TNRC18: variants seen among roughly 807,000 people sequenced by gnomAD.
TNRC18 encodes the protein trinucleotide repeat-containing gene 18 protein.
In TNRC18, 69 loss-of-function variants were observed where a neutral mutation model predicts 226.7. The ratio of observed to expected loss-of-function variants is 0.30; its 90% confidence interval spans 0.25 to 0.37. The LOEUF (loss-of-function observed/expected upper bound fraction) is 0.37, where lower values mean the gene tolerates loss of function less well. TNRC18 is among the 10% of genes least tolerant of loss of function. The probability of loss-of-function intolerance (pLI) is 1.00; values close to 1 mark genes in which losing one functional copy is unlikely to be tolerated. For missense variants in TNRC18, 4,754 were observed against 4,256.6 expected (o/e 1.12, Z -3.25); for synonymous variants, 2,449 against 1,927.6 (o/e 1.27, Z -7.09).
intron 2 of TNRC18, among the ~76,000 whole-genome samples, chr7:5,400,148 C>T (rs1179062638): frequency 2.6e-5 from 4 of 152,060 alleles, no homozygotes; most frequent in Non-Finnish European, 5.9e-5. Context: ...CCTCCCACCT[C>T]GGCCTCCCAA....
chr7:5,314,885 A>G, intron 26 of TNRC18, 99 bp downstream of exon 26: 2 of 1,332,562 alleles, frequency 1.5e-6, no homozygotes, highest in Non-Finnish European at 2.0e-6. Flanking sequence ...GAGTTCTTAC[A>G]GACAGCAGGC....
intron 19 of TNRC18, 89 bp from the exon 20 acceptor site, chr7:5,325,337 T>G: frequency 6.9e-7 from 1 of 1,450,042 alleles, no homozygotes. Context: ...CACCCCCAAG[T>G]TCTGTGCCAC....
intron 3 of TNRC18, 94 bp from the exon 4 acceptor site, chr7:5,390,722 C>T (rs1231290753): frequency 3.1e-5 from 43 of 1,395,818 alleles, no homozygotes; most frequent in Middle Eastern, 2.6e-4. Context: ...TTTTGGCAGC[C>T]GACCGCTGGT....
rs150659235 is a variant in TNRC18 at position 5,377,051 on chromosome 7, C to T, written c.2462-58G>A. ...TGGGAGCCCCCAAGCGGTTTGTCCT[C>T]GGGCAGCCCCAGCCCAGCACCACCT... On this transcript the variant is annotated intron_variant, in intron 7 of 29. Transcript: ENST00000430969. The surrounding 1 kb of genome is among the most constrained non-coding windows in gnomAD (Gnocchi z 5.8). 4.6e-5 allele frequency: 70 copies of T among 1,533,688 alleles called. No homozygotes were observed. In the East Asian group the frequency reaches 1.5e-3, roughly 32 times the overall value.
At chr7:5,358,357 G>C (rs1245444987) in intron 15 of TNRC18, among the ~76,000 whole-genome samples, 1 of 152,204 alleles carries the variant, frequency 6.6e-6, no homozygotes, top group Non-Finnish European at 1.5e-5. Flanking sequence ...TTAATCAGGT[G>C]ACATTTCTTA....
chr7:5,332,422 A>C (rs1395386786), intron 19 of TNRC18, among the ~76,000 whole-genome samples, 200 bp downstream of exon 19: 2 of 152,204 alleles, frequency 1.3e-5, no homozygotes, highest in Non-Finnish European at 2.9e-5. Flanking sequence ...ACAGAGCAAG[A>C]GTTGACTCTT....
intron 5 of TNRC18, among the ~76,000 whole-genome samples, chr7:5,379,204 A>AC (rs1779222797): frequency 6.6e-6 from 1 of 151,716 alleles, no homozygotes; most frequent in Non-Finnish European, 1.5e-5. Flanking sequence ...CCGTCAAAAA[A>AC]AAAAACAAAA....
In TNRC18 at chr7:5,306,877, T is replaced by TAACATA. The variant is rs1554265236; in HGVS notation, c.*1228_*1229insTATGTT. Reference sequence around the variant, plus strand: ...AACAAACAAAATTCCAAAAGAAACATAAAAAAAAAAACCAATAATTCCCCC... The same window carrying TAACATA: ...AACAAACAAAATTCCAAAAGAAACATAACATAAAAAAAAAAAACCAATAATTCCCCC... On this transcript the variant is annotated 3_prime_UTR_variant, in exon 30 of 30. Coordinates refer to ENST00000430969, the MANE Select transcript of TNRC18 (RefSeq NM_001080495.3). 1.4e-5 allele frequency: 2 copies of TAACATA among 146,974 alleles called. No homozygotes were observed. The highest frequency in any genetic ancestry group is 3.0e-5 in the Non-Finnish European group (2 of 66,700). 9.1% of individuals were successfully genotyped at this position (146,974 alleles called of 1,614,324 possible). A position where few individuals can be genotyped will look rare whatever the true frequency, so the allele number is the denominator to read the frequency against.
chr7:5,324,056 C>T lies in TNRC18; in HGVS notation c.6442+158G>A, dbSNP rs1761261596. Among the ~76,000 whole-genome samples the T allele has an allele frequency of 6.6e-6, 1 of 152,214 alleles. No homozygotes were observed. The highest frequency in any genetic ancestry group is 6.5e-5 in the Admixed American group (1 of 15,280). On this transcript the variant is annotated intron_variant, in intron 21 of 29. Transcript: ENST00000430969. The surrounding 1 kb of genome is among the most constrained non-coding windows in gnomAD (Gnocchi z 4.8). ...ACTAAGCTGCAGCCAGTCCAGCCTT[C>T]TCATCGACCCGGATAACTCAGCCTC...
At chr7:5,310,928 G>A (rs779198657) in intron 27 of TNRC18, among the ~76,000 whole-genome samples, 15 of 149,370 alleles carry the variant, frequency 1.0e-4, no homozygotes, top group Admixed American at 3.3e-4. Flanking sequence ...GTGTGTGCAC[G>A]TGTTCGTGTG....
intron 11 of TNRC18, among the ~76,000 whole-genome samples, chr7:5,369,723 A>G (rs568560969): frequency 8.5e-5 from 13 of 152,320 alleles, no homozygotes; most frequent in Admixed American, 4.6e-4. Context: ...CTTCAGTTCC[A>G]AGAGCCAATT....
At chr7:5,408,531 G>C (rs531323301) in intron 2 of TNRC18, among the ~76,000 whole-genome samples, 2 of 151,440 alleles carry the variant, frequency 1.3e-5, no homozygotes, top group Admixed American at 6.6e-5. Flanking sequence ...GCAGCTACTC[G>C]GGAGGCTGAG....
At chr7:5,419,462 C>A (rs1331031661) in intron 2 of TNRC18, among the ~76,000 whole-genome samples, 1 of 152,168 alleles carries the variant, frequency 6.6e-6, no homozygotes, top group African/African-American at 2.4e-5. Flanking sequence ...AAGACACACG[C>A]ATGCACACAC....
chr7:5,412,166 G>A (rs554892599), intron 2 of TNRC18, among the ~76,000 whole-genome samples: 3 of 142,774 alleles, frequency 2.1e-5, no homozygotes, highest in South Asian at 2.4e-4. Flanking sequence ...TCCAGCCTGC[G>A]TAACAGAGCG....
In TNRC18 at chr7:5,378,036, C is replaced by T; in HGVS notation, c.2153-12G>A. 1 of 1,604,150 alleles carries T rather than the reference C, an allele frequency of 6.2e-7. No homozygotes were observed. ...TGCTCGGCCGTGCCCTGCAGGGGGCCAGGTGGAAGTGAGCCCCCAGCCAGC... is the reference window on the plus strand; with the variant it reads ...TGCTCGGCCGTGCCCTGCAGGGGGCTAGGTGGAAGTGAGCCCCCAGCCAGC... On this transcript the variant is annotated splice_polypyrimidine_tract_variant and intron_variant, in intron 5 of 29. Transcript: ENST00000430969.
chr7:5,401,665 A>G (rs1781099916), intron 2 of TNRC18, among the ~76,000 whole-genome samples: 1 of 152,254 alleles, frequency 6.6e-6, no homozygotes, highest in African/African-American at 2.4e-5. Context: ...CTGTACCAAT[A>G]AAACTTTATT....
chr7:5,306,883 A>AG lies in TNRC18; in HGVS notation c.*1222_*1223insC, dbSNP rs1786566417. 1 of 151,062 alleles carries AG rather than the reference A, an allele frequency of 6.6e-6. No homozygotes were observed. Among genetic ancestry groups the AG allele is most frequent in the Non-Finnish European group, 1.5e-5 (1 of 67,814 alleles). 9.4% of individuals were successfully genotyped at this position (151,062 alleles called of 1,614,324 possible). A position where few individuals can be genotyped will look rare whatever the true frequency, so the allele number is the denominator to read the frequency against. On this transcript the variant is annotated 3_prime_UTR_variant, in exon 30 of 30. Transcript: ENST00000430969. ...CAAAATTCCAAAAGAAACATAAAAA[A>AG]AAAAACCAATAATTCCCCCAAAAAA...
At position 5,356,993 on chromosome 7, in the gene TNRC18, T is replaced by G. The variant is rs1391718794; in HGVS notation, c.5117A>C (p.Glu1706Ala). 1.3e-6 allele frequency: 2 copies of G among 1,552,286 alleles called. No individual in the cohort carries two copies. The highest frequency in any genetic ancestry group is 4.9e-5 in the East Asian group (2 of 40,922). ...CTGGCCTCTGGCCTTGAACCCCACC[T>G]CCATCTTCCTGGTTTTGGCTGCCCT... is the stretch of plus-strand genomic sequence containing the variant. The part of the protein sequence containing the change: ...HKRAAKTRKM[E>A]VGFKARGQPK... The change falls in exon 16 of 30, where the codon GAG becomes GCG. Residue 1706 changes from glutamate to alanine, a missense_variant. Glu to Ala is a moderately radical substitution (Grantham distance 107). Coordinates refer to ENST00000430969, the MANE Select transcript of TNRC18 (RefSeq NM_001080495.3).
intron 5 of TNRC18, among the ~76,000 whole-genome samples, chr7:5,380,778 G>A (rs190499617): frequency 6.6e-4 from 100 of 152,302 alleles, no homozygotes; most frequent in African/African-American, 2.4e-3. Context: ...CTGGGGCAAC[G>A]GAGGGCCACT....
Sources: allele counts gnomAD v4.1 joint callset (sites outside exome capture counted in the v4.1 genomes callset), GRCh38; gene constraint gnomAD v4.1.1; non-coding constraint Gnocchi (gnomAD v3.1); transcripts MANE v1.5; gene names NCBI Gene and HGNC (gene_info 2026-07-23, HGNC 2026-07-21).